The following ERG variants were observed in gnomAD, a reference collection of about 807,000 sequenced individuals.
ERG encodes the protein transcriptional regulator ERG.
ERG carries 9 observed loss-of-function variants against 55.3 expected under a neutral mutation model. The ratio of observed to expected loss-of-function variants is 0.16; its 90% CI spans 0.10 to 0.28. The LOEUF (loss-of-function observed/expected upper bound fraction) is 0.28, where lower values mean the gene tolerates loss of function less well. ERG is among the 10% of genes least tolerant of loss of function. The probability of loss-of-function intolerance (pLI) is 1.00; values close to 1 mark genes in which losing one functional copy is unlikely to be tolerated. For synonymous variants in ERG, 223 were observed against 237.3 expected (o/e 0.94, Z 0.55); for missense variants, 434 against 631.6 (o/e 0.69, Z 3.35).
chr21:38,570,307 A>C (rs2059949515), intron 2 of ERG, among the ~76,000 whole-genome samples: 1 of 152,214 alleles, frequency 6.6e-6, no homozygotes, highest in African/African-American at 2.4e-5. Context: ...CACCCACTCC[A>C]ATGTGATCTA....
chr21:38,590,621 C>T (rs2060094545), intron 1 of ERG, among the ~76,000 whole-genome samples: 1 of 151,146 alleles, frequency 6.6e-6, no homozygotes, highest in Admixed American at 6.6e-5. Context: ...TGTATTCATT[C>T]ATCTATCCAT....
chr21:38,588,075 A>G (rs546070020), upstream of ERG, among the ~76,000 whole-genome samples: 1 of 152,378 alleles, frequency 6.6e-6, no homozygotes, highest in Middle Eastern at 3.4e-3. Flanking sequence ...GGATCCAAAA[A>G]GATGTCACGA....
At chr21:38,572,365 C>CAAAAAAAAAAAAAAAAAAAAAAAA (rs758324053) in intron 2 of ERG, among the ~76,000 whole-genome samples, 1 of 66,988 alleles carries the variant, frequency 1.5e-5, no homozygotes, top group African/African-American at 4.8e-5. Context: ...GAGACTCCAT[C>CAAAAAAAAAAAAAAAAAAAAAAAA]AAAAAAAAAA....
chr21:38,648,346 G>A (rs993634980), intron 1 of ERG, among the ~76,000 whole-genome samples: 4 of 152,288 alleles, frequency 2.6e-5, no homozygotes, highest in South Asian at 4.1e-4. Context: ...GACCAGTGCC[G>A]TCCTGATCCT....
At chr21:38,419,182 T>C (rs1486690244) in intron 3 of ERG, among the ~76,000 whole-genome samples, 1 of 152,134 alleles carries the variant, frequency 6.6e-6, no homozygotes, top group Non-Finnish European at 1.5e-5. Flanking sequence ...AAACCAGAGA[T>C]GGGAATTATG....
chr21:38,546,390 G>A (rs954774294), intron 2 of ERG, among the ~76,000 whole-genome samples: 1 of 151,980 alleles, frequency 6.6e-6, no homozygotes. Context: ...ACTCTAGCAC[G>A]CCCACTCCAG....
At chr21:38,609,241 A>T (rs1273639988) in intron 1 of ERG, among the ~76,000 whole-genome samples, 3 of 152,186 alleles carry the variant, frequency 2.0e-5, no homozygotes, top group Non-Finnish European at 2.9e-5. Context: ...TTATACAAAG[A>T]TCTGAAAACA....
At chr21:38,376,416 C>T (rs751191155), downstream of ERG, among the ~76,000 whole-genome samples, 7 of 152,180 alleles carry the variant, frequency 4.6e-5, no homozygotes, top group Non-Finnish European at 8.8e-5. Flanking sequence ...GCGGGTCCTA[C>T]CCTGATGGAA....
intron 2 of ERG, among the ~76,000 whole-genome samples, chr21:38,550,680 G>T (rs1033945682): frequency 6.6e-6 from 1 of 152,210 alleles, no homozygotes; most frequent in Non-Finnish European, 1.5e-5. Flanking sequence ...GCCACTCAAT[G>T]TATAGCACTT....
At chr21:38,465,589 A>G (rs991778564) in intron 1 of ERG, among the ~76,000 whole-genome samples, 1 of 152,202 alleles carries the variant, frequency 6.6e-6, no homozygotes, top group African/African-American at 2.4e-5. Flanking sequence ...AGGTTCATCA[A>G]CTGTAGCAAA....
intron 1 of ERG, among the ~76,000 whole-genome samples, chr21:38,595,992 G>A (rs993001986): frequency 3.4e-5 from 5 of 148,546 alleles, no homozygotes; most frequent in African/African-American, 1.3e-4. Context: ...CTAGCCTTCT[G>A]GAATCTGAAC....
intron 3 of ERG, among the ~76,000 whole-genome samples, chr21:38,418,375 C>G (rs1195098208): frequency 2.0e-5 from 3 of 151,580 alleles, no homozygotes; most frequent in Non-Finnish European, 2.9e-5. Context: ...CAGCCTCAAA[C>G]TTCTGGGCTC....
At chr21:38,429,447 G>GTATATACATGTA (rs1990027008) in intron 2 of ERG, among the ~76,000 whole-genome samples, 2 of 59,564 alleles carry the variant, frequency 3.4e-5, no homozygotes, top group Admixed American at 1.4e-4. Context: ...GTATACACGT[G>GTATATACATGTA]TACACATGTA....
intron 1 of ERG, among the ~76,000 whole-genome samples, chr21:38,466,300 G>GGTGTGTGTGT (rs145670035): frequency 0.05 from 7,045 of 140,564 alleles, 219 homozygotes; most frequent in Non-Finnish European, 0.066. Context: ...GATGGTCTGG[G>GGTGTGTGTGT]GTGTGTGTGT....
intron 1 of ERG, among the ~76,000 whole-genome samples, chr21:38,618,556 G>T (rs539014537): frequency 2.0e-5 from 3 of 152,130 alleles, no homozygotes; most frequent in South Asian, 2.1e-4. Flanking sequence ...GGGGAGGTTG[G>T]GGGGGAACAA....
chr21:38,573,357 A>AC (rs2059972434), intron 2 of ERG, among the ~76,000 whole-genome samples: 4 of 152,208 alleles, frequency 2.6e-5, no homozygotes, highest in Admixed American at 6.5e-5. Context: ...TGCAGTTGAG[A>AC]TAGAGGAAGG....
intron 1 of ERG, among the ~76,000 whole-genome samples, chr21:38,445,852 G>A (rs770988778): frequency 7.2e-5 from 11 of 151,960 alleles, no homozygotes; most frequent in Non-Finnish European, 1.6e-4. Context: ...AGCATCCCAG[G>A]CTTGACTGTG....
At chr21:38,434,111 C>T (rs1990352999) in intron 2 of ERG, among the ~76,000 whole-genome samples, 1 of 152,184 alleles carries the variant, frequency 6.6e-6, no homozygotes, top group South Asian at 2.1e-4. Flanking sequence ...AGATTCTCCT[C>T]AGTGATCTGG....
At chr21:38,526,666 A>G (rs191028044) in intron 2 of ERG, among the ~76,000 whole-genome samples, 6 of 152,316 alleles carry the variant, frequency 3.9e-5, no homozygotes, top group Non-Finnish European at 7.3e-5. Context: ...CTAATCCCCC[A>G]AAATGTCCAT....
Sources: gnomAD v4.1 joint callset for allele counts (sites outside exome capture counted in the v4.1 genomes callset) on GRCh38, gnomAD v4.1.1 for gene constraint, MANE v1.5 for transcripts, NCBI Gene and HGNC (gene_info 2026-07-23, HGNC 2026-07-21) for gene names.